GTPBP1: variants seen among roughly 807,000 people sequenced by gnomAD.
GTPBP1 encodes GTP-binding protein 1.
GTPBP1 carries 23 observed loss-of-function variants against 62.0 expected under a neutral mutation model. The ratio of observed to expected loss-of-function variants is 0.37; its 90% CI spans 0.27 to 0.53. GTPBP1 has a LOEUF of 0.53. Ranked by LOEUF, GTPBP1 falls within the 20% of genes least tolerant of loss-of-function variation. The pLI is 0.89. For missense variants in GTPBP1, 640 were observed against 917.3 expected (o/e 0.70, Z 3.90); for synonymous variants, 344 against 364.4 (o/e 0.94, Z 0.64).
At chr22:38,720,311 C>T (rs1251310489) in intron 4 of GTPBP1, among the ~76,000 whole-genome samples, 3 of 152,060 alleles carry the variant, frequency 2.0e-5, no homozygotes, top group African/African-American at 2.4e-5. Flanking sequence ...CCTCCGCCTC[C>T]TTGGTTCAAG....
intron 2 of GTPBP1, among the ~76,000 whole-genome samples, chr22:38,713,864 G>A (rs574144699): frequency 6.6e-6 from 1 of 152,294 alleles, no homozygotes; most frequent in South Asian, 2.1e-4. Flanking sequence ...CCAGGCAATT[G>A]GAAATTCAGT....
chr22:38,729,592 C>T lies in GTPBP1; in HGVS notation c.1847C>T (p.Pro616Leu). 1 of 1,571,592 alleles carries T rather than the reference C, an allele frequency of 6.4e-7. No individual in the cohort carries two copies. Among genetic ancestry groups the T allele is most frequent in the South Asian group, 1.2e-5 (1 of 85,112 alleles). The stretch of plus-strand genomic sequence containing the variant: ...TCTGGTGGGCCAGCAGTAGGAGCAC[C>T]CCCACCTGGAGATGAAGCCTCCTCT... Reference protein sequence around the residue: ...GPSGGPAVGAPPPGDEASSVG... With the variant: ...GPSGGPAVGALPPGDEASSVG... The change falls in exon 11 of 12, where the codon CCC becomes CTC. Residue 616 changes from proline (P) to leucine (L), a missense_variant. Physicochemically the swap from Pro to Leu is moderately conservative, Grantham distance 98. Coordinates refer to ENST00000216044, the MANE Select transcript of GTPBP1 (RefSeq NM_004286.5).
chr22:38,735,131 C>A (rs1165337578), downstream of GTPBP1: 4 of 412,872 alleles, frequency 9.7e-6, no homozygotes, highest in South Asian at 6.9e-5. Flanking sequence ...TACAGTGGGG[C>A]CTGCTGGCTC....
rs998967752 is a variant in GTPBP1 at position 38,728,068 on chromosome 22, C to T, written c.1623C>T (p.His541=). ...GCACTGGGGACAAGGCCACTGTACACTTCCGCTTCATCAAGACCCCTGAGT... is the reference window on the plus strand; with the variant it reads ...GCACTGGGGACAAGGCCACTGTACATTTCCGCTTCATCAAGACCCCTGAGT... ...CLRTGDKATV[H]FRFIKTPEYL... The change falls in exon 10 of 12, where the codon CAC becomes CAT. Residue 541 remains histidine (H), a synonymous_variant. Coordinates refer to ENST00000216044, the MANE Select transcript of GTPBP1 (RefSeq NM_004286.5). 1 of 1,613,016 alleles carries T rather than the reference C, an allele frequency of 6.2e-7. No homozygotes were observed. The highest frequency in any genetic ancestry group is 8.5e-7 in the Non-Finnish European group (1 of 1,178,952).
downstream of GTPBP1, chr22:38,735,291 G>C (rs567591210): frequency 1.3e-5 from 6 of 453,618 alleles, no homozygotes; most frequent in African/African-American, 1.2e-4. Context: ...CTGAGCGGAC[G>C]ACCCCTACAT....
chr22:38,709,954 C>T (rs2092628777), intron 2 of GTPBP1, among the ~76,000 whole-genome samples: 2 of 152,196 alleles, frequency 1.3e-5, no homozygotes, highest in Admixed American at 1.3e-4. Flanking sequence ...GGTTTCTTCC[C>T]CTGGTCACTC....
At position 38,730,538 on chromosome 22, in the gene GTPBP1, C is replaced by T; in HGVS notation, c.1918-74C>T. The T allele has an allele frequency of 9.8e-7, 1 of 1,025,322 alleles. No individual in the cohort carries two copies. Among genetic ancestry groups the T allele is most frequent in the South Asian group, 1.3e-5 (1 of 78,022 alleles). The allele number at this position is 1,025,322 out of a possible 1,614,324, so 63.5% of individuals were successfully genotyped here. A position where few individuals can be genotyped will look rare whatever the true frequency, so the allele number is the denominator to read the frequency against. On this transcript the variant is annotated intron_variant, in intron 11 of 11. Coordinates refer to ENST00000216044, the MANE Select transcript of GTPBP1 (RefSeq NM_004286.5). This position sits in a 1 kb window ranked among gnomAD's most constrained non-coding sequence, Gnocchi z 5.6. The stretch of plus-strand genomic sequence containing the variant: ...CGCATCTTCCGTCCCTGTCTCCCCG[C>T]TGCTCAGCACCTCTGCTCTCTGGCC...
chr22:38,709,174 C>G (rs991385620), intron 2 of GTPBP1, among the ~76,000 whole-genome samples: 1 of 152,098 alleles, frequency 6.6e-6, no homozygotes, highest in Non-Finnish European at 1.5e-5. Flanking sequence ...CGCCTGTAAT[C>G]CCAGCTACTT....
At chr22:38,722,754 T>G in intron 5 of GTPBP1, 1 of 1,603,370 alleles carries the variant, frequency 6.2e-7, no homozygotes, top group Non-Finnish European at 8.5e-7. Flanking sequence ...CTGATTTACC[T>G]TCTGAAAGTA....
intron 2 of GTPBP1, among the ~76,000 whole-genome samples, chr22:38,712,907 T>C (rs755766958): frequency 6.6e-6 from 1 of 152,196 alleles, no homozygotes; most frequent in Non-Finnish European, 1.5e-5. Context: ...CTTTGTTCAT[T>C]TGTTTTACAT....
downstream of GTPBP1, chr22:38,735,087 T>G: frequency 3.1e-6 from 1 of 323,960 alleles, no homozygotes; most frequent in Non-Finnish European, 6.1e-6. Context: ...AGCTTTTCAG[T>G]TAGAAAAACA....
downstream of GTPBP1, chr22:38,741,038 G>T (rs143685496): frequency 3.8e-6 from 6 of 1,597,796 alleles, no homozygotes; most frequent in Non-Finnish European, 5.1e-6. Context: ...TGCTGGATGC[G>T]AGCCTCGGAC....
chr22:38,721,614 C>G (rs2092701156), intron 4 of GTPBP1, 128 bp from the exon 5 acceptor site: 3 of 701,234 alleles, frequency 4.3e-6, no homozygotes, highest in Non-Finnish European at 4.7e-6. Flanking sequence ...CCCACATCAT[C>G]GAGTCAGGGG....
At position 38,727,982 on chromosome 22, in the gene GTPBP1, G is replaced by A. The variant is rs1377435370; in HGVS notation, c.1538-1G>A. On this transcript the variant is annotated splice_acceptor_variant, in intron 9 of 11. Transcript: ENST00000216044. LOFTEE classifies it high-confidence loss of function. This position sits in a 1 kb window ranked among gnomAD's most constrained non-coding sequence, Gnocchi z 6.5. The stretch of plus-strand genomic sequence containing the variant: ...ATCCTGACCTCTGGCTTCCTTGACA[G>A]TGCACTGTGGGAGCATCAGGCAGAC... 2 of 1,613,506 alleles carry A rather than the reference G, an allele frequency of 1.2e-6. No homozygotes were observed.
chr22:38,722,953 A>G (rs1569281994), intron 5 of GTPBP1: 1 of 924,860 alleles, frequency 1.1e-6, no homozygotes, highest in Non-Finnish European at 1.8e-6. Context: ...TCAGTTATGA[A>G]GAGACCTCTT....
Position 38,727,342 on chromosome 22 carries a change from G to A in GTPBP1, c.1531G>A (p.Ala511Thr). Residue 511 changes from alanine (A) to threonine (T), a missense_variant, in exon 9 of 12, where the codon GCC becomes ACC. Transcript: ENST00000216044. The surrounding 1 kb of genome is among the most constrained non-coding windows in gnomAD (Gnocchi z 6.5). Reference protein sequence around the residue: ...HPTTISPRYQAMVHCGSIRQT... With the variant: ...HPTTISPRYQTMVHCGSIRQT... ...CACCACAATTAGCCCGCGCTACCAG[G>A]CCATGGGTAGGTGTCTAAGGCCCTG... The A allele has an allele frequency of 6.4e-7, 1 of 1,574,214 alleles. No homozygotes were observed. The highest frequency in any genetic ancestry group is 1.2e-5 in the South Asian group (1 of 86,434).
chr22:38,711,130 A>G (rs1246399820), intron 2 of GTPBP1, among the ~76,000 whole-genome samples: 1 of 152,234 alleles, frequency 6.6e-6, no homozygotes, highest in South Asian at 2.1e-4. Flanking sequence ...CAGTTTCATC[A>G]GTGGTTTCCT....
At chr22:38,734,566 G>T (rs1428210045), downstream of GTPBP1, among the ~76,000 whole-genome samples, 1 of 152,182 alleles carries the variant, frequency 6.6e-6, no homozygotes, top group Non-Finnish European at 1.5e-5. Flanking sequence ...CCTGCCTCAG[G>T]TCCCATCCCC....
chr22:38,717,971 A>G (rs1412774105), intron 4 of GTPBP1, among the ~76,000 whole-genome samples: 1 of 152,256 alleles, frequency 6.6e-6, no homozygotes, highest in Admixed American at 6.5e-5. Context: ...TGTAGTAAAC[A>G]TAAGCATCTG....
Sources: gnomAD v4.1 joint callset for allele counts (sites outside exome capture counted in the v4.1 genomes callset) on GRCh38, gnomAD v4.1.1 for gene constraint, Gnocchi (gnomAD v3.1) non-coding constraint, MANE v1.5 for transcripts, NCBI Gene and HGNC (gene_info 2026-07-23, HGNC 2026-07-21) for gene names.